Variants in ACTR3B observed in about 807,000 individuals in gnomAD.
ACTR3B encodes the protein actin related protein 3B.
Under a neutral mutation model 59.0 loss-of-function variants are expected in ACTR3B, and 8 were observed. The ratio of observed to expected loss-of-function variants is 0.14; its 90% CI spans 0.08 to 0.24. The LOEUF is 0.24. Among genes scored for constraint, ACTR3B ranks in the 10% least tolerant of loss-of-function variants. ACTR3B has a pLI of 1.00. For missense variants in ACTR3B, 245 were observed against 552.3 expected, an observed-to-expected ratio of 0.44 and a Z score of 5.58; for synonymous variants, 148 against 197.9, an observed-to-expected ratio of 0.75 and a Z score of 2.12.
At chr7:152,767,423 G>A (rs1041735582) in intron 1 of ACTR3B, among the ~76,000 whole-genome samples, 3 of 152,064 alleles carry the variant, frequency 2.0e-5, no homozygotes, top group Non-Finnish European at 2.9e-5. Context: ...TAATGGTGCC[G>A]GCTTCCCCTG....
intron 1 of ACTR3B, among the ~76,000 whole-genome samples, chr7:152,773,850 G>T (rs1363912480): frequency 6.6e-6 from 1 of 152,192 alleles, no homozygotes; most frequent in African/African-American, 2.4e-5. Context: ...GTGCCCAGCA[G>T]TGTGGGGCGG....
chr7:152,835,709 T>A (rs189983513), intron 9 of ACTR3B, among the ~76,000 whole-genome samples: 6 of 152,330 alleles, frequency 3.9e-5, no homozygotes, highest in Non-Finnish European at 5.9e-5. Flanking sequence ...TGCTCTAGAC[T>A]GCACCTCGGC....
At chr7:152,761,665 G>C (rs1201949340) in intron 1 of ACTR3B, among the ~76,000 whole-genome samples, 2 of 152,142 alleles carry the variant, frequency 1.3e-5, no homozygotes, top group African/African-American at 4.8e-5. Context: ...AGAAACGGTG[G>C]CAGGGAATCT....
At chr7:152,847,366 C>T (rs1009641436) in intron 9 of ACTR3B, among the ~76,000 whole-genome samples, 4 of 152,194 alleles carry the variant, frequency 2.6e-5, no homozygotes, top group African/African-American at 9.7e-5. Flanking sequence ...GATGTTTAGG[C>T]TGTTGAAGTT....
intron 4 of ACTR3B, chr7:152,813,863 C>G (rs1225110900): frequency 8.6e-6 from 1 of 115,622 alleles, no homozygotes; most frequent in Non-Finnish European, 1.8e-5. Context: ...TTTGTTTTTC[C>G]TCTTTTCTCT....
intron 2 of ACTR3B, among the ~76,000 whole-genome samples, chr7:152,796,497 T>G (rs2098216953): frequency 6.9e-6 from 1 of 144,226 alleles, no homozygotes; most frequent in Non-Finnish European, 1.5e-5. Context: ...ATTGTTCCAT[T>G]TAATACTCAC....
chr7:152,802,684 G>A (rs962260227), intron 4 of ACTR3B, among the ~76,000 whole-genome samples: 57 of 151,516 alleles, frequency 3.8e-4, no homozygotes, highest in Admixed American at 5.3e-4. Context: ...TTCATGTGAC[G>A]TAAGCTGCGT....
At chr7:152,853,172 T>C (rs1440700455) in intron 10 of ACTR3B, among the ~76,000 whole-genome samples, 17 of 151,724 alleles carry the variant, frequency 1.1e-4, no homozygotes, top group African/African-American at 3.9e-4. Context: ...ACATCTGATA[T>C]GTTAGGTTAA....
rs868582346 is a variant in ACTR3B, at chr7:152,824,206, G to A, written c.858+691G>A. On this transcript the variant is annotated intron_variant, in intron 8 of 11. Coordinates refer to ENST00000256001, the MANE Select transcript of ACTR3B (RefSeq NM_020445.6). This position sits in a 1 kb window ranked among gnomAD's most constrained non-coding sequence, Gnocchi z 4.2. ...TACAAACTGCTGTTTGTTTTTAGAT[G>A]TGTATATGACTATTTTGTACAGAGA... Among the ~76,000 whole-genome samples, 2 of 152,186 alleles carry A rather than the reference G, an allele frequency of 1.3e-5. No individual in the cohort carries two copies. The highest frequency in any genetic ancestry group is 4.1e-4 in the South Asian group (2 of 4,828).
At chr7:152,765,305 C>T (rs1321101619) in intron 1 of ACTR3B, among the ~76,000 whole-genome samples, 6 of 151,798 alleles carry the variant, frequency 4.0e-5, no homozygotes, top group South Asian at 4.2e-4. Flanking sequence ...TTAATAGAGA[C>T]GGGGTTTCTC....
chr7:152,846,245 G>A lies in ACTR3B; in HGVS notation c.952-5881G>A, dbSNP rs574416654. On this transcript the variant is annotated intron_variant, in intron 9 of 11. Coordinates refer to ENST00000256001, the MANE Select transcript of ACTR3B (RefSeq NM_020445.6). ...GTCTGCAGTGAGCTCTAGTGCCCGG[G>A]CTGTAGTCTGTAGTGAGCCCCAGCG... Among the ~76,000 whole-genome samples, 53 of 148,202 alleles carry A rather than the reference G, an allele frequency of 3.6e-4. 1 individual carries two copies. The South Asian group carries it at 0.012, about 32-fold the overall frequency.
At chr7:152,806,850 A>C (rs2098253679) in intron 4 of ACTR3B, among the ~76,000 whole-genome samples, 1 of 152,240 alleles carries the variant, frequency 6.6e-6, no homozygotes, top group Non-Finnish European at 1.5e-5. Context: ...GTGGTCTGTC[A>C]GTCACAAACT....
chr7:152,821,907 C>T (rs1235416248), intron 7 of ACTR3B, among the ~76,000 whole-genome samples: 1 of 152,254 alleles, frequency 6.6e-6, no homozygotes, highest in African/African-American at 2.4e-5. Context: ...AACGTGAGCA[C>T]ACCACCCTTG....
intron 1 of ACTR3B, among the ~76,000 whole-genome samples, chr7:152,781,556 A>G (rs1317166066): frequency 1.3e-5 from 2 of 152,176 alleles, no homozygotes; most frequent in African/African-American, 4.8e-5. Context: ...AAGGTGCATC[A>G]TTTTTGTGGG....
intron 9 of ACTR3B, among the ~76,000 whole-genome samples, chr7:152,830,293 A>G (rs1391312480): frequency 6.6e-6 from 1 of 152,138 alleles, no homozygotes; most frequent in African/African-American, 2.4e-5. Context: ...GGTAGTGGGA[A>G]ACAAACCTAG....
intron 2 of ACTR3B, among the ~76,000 whole-genome samples, chr7:152,797,380 A>G (rs1279504275): frequency 6.6e-6 from 1 of 152,166 alleles, no homozygotes; most frequent in Non-Finnish European, 1.5e-5. Context: ...GAGCCACCAC[A>G]GCTGGCTCTG....
chr7:152,832,211 G>C (rs946885039), intron 9 of ACTR3B, among the ~76,000 whole-genome samples: 10 of 152,102 alleles, frequency 6.6e-5, no homozygotes, highest in African/African-American at 2.4e-4. Context: ...CTAGGAGGGT[G>C]GGGGGTCATT....
intron 9 of ACTR3B, among the ~76,000 whole-genome samples, chr7:152,829,986 C>G (rs1411751513): frequency 1.3e-5 from 2 of 152,136 alleles, no homozygotes; most frequent in African/African-American, 2.4e-5. Context: ...CCTTCAAGAG[C>G]TTATAAAAAA....
At chr7:152,791,787 A>G (rs2098197246) in intron 2 of ACTR3B, among the ~76,000 whole-genome samples, 1 of 152,186 alleles carries the variant, frequency 6.6e-6, no homozygotes, top group South Asian at 2.1e-4. Context: ...TCATCTCTAT[A>G]ATTTTATCAT....
Sources: gnomAD v4.1 joint callset for allele counts (sites outside exome capture counted in the v4.1 genomes callset) on GRCh38, gnomAD v4.1.1 for gene constraint, Gnocchi (gnomAD v3.1) non-coding constraint, MANE v1.5 for transcripts, NCBI Gene and HGNC (gene_info 2026-07-23, HGNC 2026-07-21) for gene names.